Variants in SLC5A12 observed in about 807,000 individuals in gnomAD.
SLC5A12 encodes solute carrier family 5 member 12, also known as sodium-coupled monocarboxylate transporter 2.
Under a neutral mutation model 72.7 loss-of-function variants are expected in SLC5A12, and 46 were observed. The ratio of observed to expected loss-of-function variants is 0.63; its 90% CI spans 0.50 to 0.81. SLC5A12 has a LOEUF of 0.81. Among genes scored for constraint, SLC5A12 ranks in the 30% least tolerant of loss-of-function variants. SLC5A12 has a pLI of 0.00. For synonymous variants in SLC5A12, 275 were observed against 264.4 expected, an observed-to-expected ratio of 1.04 and a Z score of -0.39; for missense variants, 683 against 740.7, an observed-to-expected ratio of 0.92 and a Z score of 0.90.
chr11:26,712,571 C>T, intron 2 of SLC5A12, 70 bp downstream of exon 2: 1 of 1,183,166 alleles, frequency 8.5e-7, no homozygotes, highest in South Asian at 2.0e-5. Context: ...AGTTTATTGC[C>T]CCCAAAATAA....
chr11:26,711,177 T>C (rs913303584), intron 3 of SLC5A12, 130 bp downstream of exon 3: 11 of 728,002 alleles, frequency 1.5e-5, no homozygotes, highest in Middle Eastern at 2.9e-4. Flanking sequence ...TGTAATGACT[T>C]CTAATAGTAA....
chr11:26,705,763 C>T (rs1418769190), intron 4 of SLC5A12, among the ~76,000 whole-genome samples: 1 of 152,002 alleles, frequency 6.6e-6, no homozygotes, highest in Non-Finnish European at 1.5e-5. Flanking sequence ...CCTCTGTTTT[C>T]AGAGGATACT....
At chr11:26,706,940 C>T (rs964866054) in intron 4 of SLC5A12, among the ~76,000 whole-genome samples, 10 of 151,364 alleles carry the variant, frequency 6.6e-5, no homozygotes, top group Non-Finnish European at 1.3e-4. Context: ...TAAATGTTTA[C>T]TATTTTATTT....
chr11:26,689,565 A>T (rs1334523880), intron 9 of SLC5A12, among the ~76,000 whole-genome samples: 1 of 152,192 alleles, frequency 6.6e-6, no homozygotes, highest in Non-Finnish European at 1.5e-5. Flanking sequence ...TCCACGGTGA[A>T]GGTCACATAT....
At chr11:26,713,846 G>A (rs1053711357) in intron 1 of SLC5A12, among the ~76,000 whole-genome samples, 3 of 152,116 alleles carry the variant, frequency 2.0e-5, no homozygotes, top group Admixed American at 6.6e-5. Flanking sequence ...GCTCCTACAC[G>A]AGGCTTTAAG....
chr11:26,674,377 C>CAAA (rs142621833), intron 13 of SLC5A12, among the ~76,000 whole-genome samples: 3 of 145,858 alleles, frequency 2.1e-5, no homozygotes, highest in Non-Finnish European at 3.0e-5. Context: ...TTTCTAGAGA[C>CAAA]AAAAAAAATA....
At chr11:26,691,519 A>G (rs1590720567) in intron 9 of SLC5A12, 1 of 152,220 alleles carries the variant, frequency 6.6e-6, no homozygotes, top group Non-Finnish European at 1.5e-5. Flanking sequence ...AGTAACAATA[A>G]CATAAAATTA....
intron 6 of SLC5A12, 52 bp downstream of exon 6, chr11:26,703,479 T>C: frequency 1.3e-6 from 2 of 1,573,062 alleles, no homozygotes; most frequent in East Asian, 2.2e-5. Flanking sequence ...ATATAATAAG[T>C]ACCAAATAAG....
intron 8 of SLC5A12, 80 bp from the exon 9 acceptor site, chr11:26,692,681 T>C (rs999893410): frequency 1.3e-5 from 12 of 911,456 alleles, no homozygotes; most frequent in Non-Finnish European, 1.6e-5. Flanking sequence ...CCAGGGCAGA[T>C]AGATAAGGCA....
At chr11:26,712,531 G>A (rs562765787) in intron 2 of SLC5A12, 110 bp downstream of exon 2, 55 of 591,182 alleles carry the variant, frequency 9.3e-5, no homozygotes, top group Non-Finnish European at 1.4e-4. Context: ...AGAAAGTAGC[G>A]TCTTCTTAGT....
chr11:26,674,387 A>AAAAAAG (rs1371713066), intron 13 of SLC5A12, among the ~76,000 whole-genome samples: 2 of 145,800 alleles, frequency 1.4e-5, no homozygotes, highest in Non-Finnish European at 1.5e-5. Context: ...CAAAAAAAAT[A>AAAAAAG]AAAAAATGTA....
intron 4 of SLC5A12, among the ~76,000 whole-genome samples, chr11:26,704,574 T>C (rs534412778): frequency 1.3e-5 from 2 of 152,284 alleles, no homozygotes; most frequent in Admixed American, 1.3e-4. Context: ...TTCACAGCAG[T>C]TTCATTGGTG....
chr11:26,715,050 C>A (rs1487809406), intron 1 of SLC5A12, among the ~76,000 whole-genome samples: 2 of 152,084 alleles, frequency 1.3e-5, no homozygotes. Flanking sequence ...GGTGAAGACA[C>A]CTTGGGTTCA....
At chr11:26,689,337 G>T (rs1216018123) in intron 9 of SLC5A12, among the ~76,000 whole-genome samples, 2 of 152,124 alleles carry the variant, frequency 1.3e-5, no homozygotes, top group Non-Finnish European at 2.9e-5. Flanking sequence ...GGCGGAGGTG[G>T]CAGTGAGTCG....
intron 14 of SLC5A12, among the ~76,000 whole-genome samples, 161 bp downstream of exon 14, chr11:26,673,241 T>G (rs2133129473): frequency 6.6e-6 from 1 of 152,348 alleles, no homozygotes; most frequent in East Asian, 1.9e-4. Context: ...GCTTAAAAGC[T>G]GATTAGCTGA....
intron 6 of SLC5A12, among the ~76,000 whole-genome samples, chr11:26,698,857 A>C (rs1018620189): frequency 6.6e-6 from 1 of 152,190 alleles, no homozygotes; most frequent in Non-Finnish European, 1.5e-5. Flanking sequence ...CCAATCACTC[A>C]TATTATATAA....
At chr11:26,679,042 C>A (rs1429771398) in intron 12 of SLC5A12, among the ~76,000 whole-genome samples, 5 of 152,060 alleles carry the variant, frequency 3.3e-5, no homozygotes, top group African/African-American at 4.8e-5. Context: ...ATAAGTATTA[C>A]AATGAGGATT....
At chr11:26,704,454 G>A (rs1855037566) in intron 4 of SLC5A12, among the ~76,000 whole-genome samples, 1 of 152,168 alleles carries the variant, frequency 6.6e-6, no homozygotes, top group Non-Finnish European at 1.5e-5. Flanking sequence ...TTTGCTCTGT[G>A]GGTGAACTTG....
chr11:26,721,801 C>T lies in SLC5A12; in HGVS notation c.-87G>A, dbSNP rs1215889629. ...AAAGCAAAGTTCAGTACAGTGGATGCTTTGCTGAGAGGAGAGACTGTGATT... is the reference window on the plus strand; with the variant it reads ...AAAGCAAAGTTCAGTACAGTGGATGTTTTGCTGAGAGGAGAGACTGTGATT... On this transcript the variant is annotated 5_prime_UTR_variant, in exon 1 of 15. Transcript: ENST00000396005. The T allele has an allele frequency of 3.4e-6, 4 of 1,170,916 alleles. No homozygotes were observed. The Admixed American group carries it at 8.7e-5, about 25-fold the overall frequency. 72.5% of individuals were successfully genotyped at this position (1,170,916 alleles called of 1,614,324 possible).
Sources: gnomAD v4.1 joint callset for allele counts (sites outside exome capture counted in the v4.1 genomes callset) on GRCh38, gnomAD v4.1.1 for gene constraint, MANE v1.5 for transcripts, NCBI Gene and HGNC (gene_info 2026-07-23, HGNC 2026-07-21) for gene names.